Variants in PMPCA observed in about 807,000 individuals in gnomAD.
The protein encoded by PMPCA is mitochondrial-processing peptidase subunit alpha.
In PMPCA, 47 loss-of-function variants were observed where a neutral mutation model predicts 59.3. The observed-to-expected ratio is 0.79, with a 90% CI of 0.63 to 1.01. The LOEUF is 1.01. PMPCA is among the 50% of genes least tolerant of loss of function. PMPCA has a pLI of 0.00. For synonymous variants in PMPCA, 338 were observed against 290.3 expected (o/e 1.16, Z -1.67); for missense variants, 726 against 704.5 (o/e 1.03, Z -0.34).
intron 7 of PMPCA, among the ~76,000 whole-genome samples, chr9:136,417,560 C>T (rs1835317032): frequency 6.6e-6 from 1 of 151,828 alleles, no homozygotes; most frequent in Non-Finnish European, 1.5e-5. Flanking sequence ...GCAACCTCCA[C>T]CTCCCAGGTT....
chr9:136,418,582 T>G lies in PMPCA; in HGVS notation c.1018T>G (p.Leu340Val), dbSNP rs1358546481. ...LEEDFIPFAV[L>V]NMMMGGGGSF... The stretch of plus-strand genomic sequence containing the variant: ...GGAGGACTTCATCCCCTTTGCAGTG[T>G]TGAACATGATGATGGGCGGAGGTGG... The change falls in exon 9 of 13, where the codon TTG becomes GTG. Residue 340 changes from leucine to valine, a missense_variant. Coordinates refer to ENST00000371717, the MANE Select transcript of PMPCA (RefSeq NM_015160.3). The G allele has an allele frequency of 6.2e-7, 1 of 1,613,252 alleles. No individual in the cohort carries two copies. The highest frequency in any genetic ancestry group is 8.5e-7 in the Non-Finnish European group (1 of 1,179,282).
At position 136,418,596 on chromosome 9, in the gene PMPCA, G is replaced by A; in HGVS notation, c.1032G>A (p.Met344Ile). 1 of 1,613,874 alleles carries A rather than the reference G, an allele frequency of 6.2e-7. No individual in the cohort carries two copies. The highest frequency in any genetic ancestry group is 8.5e-7 in the Non-Finnish European group (1 of 1,179,720). Residue 344 changes from methionine (M) to isoleucine (I), a missense_variant, in exon 9 of 13, where the codon ATG (methionine) becomes ATA (isoleucine). Transcript: ENST00000371717. ...FIPFAVLNMMMGGGGSFSAGG... is the reference protein window; with the variant it reads ...FIPFAVLNMMIGGGGSFSAGG... ...CCTTTGCAGTGTTGAACATGATGATGGGCGGAGGTGGCTCCTTCTCGGCTG... is the reference window on the plus strand; with the variant it reads ...CCTTTGCAGTGTTGAACATGATGATAGGCGGAGGTGGCTCCTTCTCGGCTG...
chr9:136,418,791 A>G (rs772600701), intron 9 of PMPCA, 37 bp from the exon 10 acceptor site: 2 of 1,550,628 alleles, frequency 1.3e-6, no homozygotes, highest in South Asian at 2.2e-5. Flanking sequence ...GATCCTGGCG[A>G]GTCCCCTTCA....
intron 5 of PMPCA, 92 bp from the exon 6 acceptor site, chr9:136,416,199 A>G (rs1222045356): frequency 4.4e-6 from 4 of 907,772 alleles, no homozygotes; most frequent in Non-Finnish European, 7.1e-6. Context: ...CCAACAGGCG[A>G]CACTCAGGCC....
intron 7 of PMPCA, among the ~76,000 whole-genome samples, chr9:136,417,685 A>T (rs1588816023): frequency 6.6e-6 from 1 of 151,594 alleles, no homozygotes; most frequent in African/African-American, 2.4e-5. Context: ...CGAACTCCTG[A>T]CCTCATGATC....
intron 11 of PMPCA, chr9:136,420,005 T>A (rs1230123587): frequency 1.3e-5 from 2 of 151,020 alleles, no homozygotes; most frequent in South Asian, 2.1e-4. Flanking sequence ...TTTTTTTTTT[T>A]AGACAGAGTC....
Position 136,416,334 on chromosome 9 carries a change from G to A in PMPCA, c.576G>A (p.Leu192=), listed in dbSNP as rs1383883482. ...CGCGGATGGCGGTCCAGTTTGAGCT[G>A]GAGGACCTGAACCTGCGGCCTGACC... is the stretch of plus-strand genomic sequence containing the variant. ...EMTRMAVQFE[L]EDLNLRPDPE... is the part of the protein sequence containing the mutation. The change falls in exon 6 of 13, where the codon CTG becomes CTA. Residue 192 remains leucine (L), a synonymous_variant. Coordinates refer to ENST00000371717, the MANE Select transcript of PMPCA (RefSeq NM_015160.3). The A allele has an allele frequency of 6.2e-7, 1 of 1,614,002 alleles. No individual in the cohort carries two copies. The highest frequency in any genetic ancestry group is 1.7e-4 in the Middle Eastern group (1 of 6,038).
chr9:136,422,003 C>G, intron 12 of PMPCA, 27 bp downstream of exon 12: 1 of 1,590,168 alleles, frequency 6.3e-7, no homozygotes, highest in Non-Finnish European at 8.6e-7. Context: ...TAGTGAGGGG[C>G]TGCCGCAGGC....
chr9:136,422,861 T>C (rs917781097), intron 12 of PMPCA: 5 of 1,351,316 alleles, frequency 3.7e-6, no homozygotes, highest in Non-Finnish European at 3.8e-6. Flanking sequence ...GGTGGCTTTG[T>C]CCTATATTTT....
chr9:136,422,631 G>A (rs753408457), intron 12 of PMPCA: 4 of 1,007,866 alleles, frequency 4.0e-6, no homozygotes, highest in Non-Finnish European at 4.7e-6. Context: ...ATCCTCAAGC[G>A]AGTGTCCAGC....
intron 12 of PMPCA, 119 bp from the exon 13 acceptor site, chr9:136,422,976 C>T (rs1430163069): frequency 6.8e-7 from 1 of 1,460,106 alleles, no homozygotes; most frequent in East Asian, 2.5e-5. Context: ...GTGCCCCCAT[C>T]AGCAGCACAG....
At chr9:136,417,662 GC>G (rs1040478640) in intron 7 of PMPCA, among the ~76,000 whole-genome samples, 9 of 151,836 alleles carry the variant, frequency 5.9e-5, no homozygotes, top group African/African-American at 1.9e-4. Context: ...CACTATGTTG[GC>G]CAGGCTGGTC....
chr9:136,421,915 G>C lies in PMPCA; in HGVS notation c.1347G>C (p.Val449=). Residue 449 remains valine (V), a synonymous_variant, in exon 12 of 13, where the codon GTG becomes GTC. Transcript: ENST00000371717. ...LESRPVIFED[V]GRQVLATRSR... ...CCAGGCCTGTGATCTTCGAGGATGT[G>C]GGGAGGCAGGTGCTGGCCACTCGCT... The C allele has an allele frequency of 6.2e-7, 1 of 1,612,432 alleles. No individual in the cohort carries two copies. The highest frequency in any genetic ancestry group is 8.5e-7 in the Non-Finnish European group (1 of 1,179,792).
At chr9:136,416,589 C>G (rs892556581) in intron 6 of PMPCA, 198 bp downstream of exon 6, 1 of 639,826 alleles carries the variant, frequency 1.6e-6, no homozygotes, top group African/African-American at 1.8e-5. Flanking sequence ...TCAGGTGATC[C>G]TCCTGCCTCT....
chr9:136,419,135 CGTACCTGTG>C, intron 11 of PMPCA, 29 bp downstream of exon 11: 1 of 1,594,348 alleles, frequency 6.3e-7, no homozygotes, highest in Non-Finnish European at 8.6e-7. Context: ...CATTTCCAGG[CGTACCTGTG>C]GTGTCTGACA....
intron 12 of PMPCA, chr9:136,422,789 GC>G (rs1164208589): frequency 8.7e-7 from 1 of 1,151,610 alleles, no homozygotes; most frequent in Admixed American, 4.0e-5. Flanking sequence ...TTTTCTGCAG[GC>G]CGTCCTAAAG....
rs1304312404 is a variant in PMPCA at position 136,416,939 on chromosome 9, C to T, written c.634-12C>T. ...TCTTCAGTCACCTGTGTCTGTGGCT[C>T]TTCCCCATTAGGCGGCTTACAGGGA... On this transcript the variant is annotated splice_polypyrimidine_tract_variant and intron_variant, in intron 6 of 12. Coordinates refer to ENST00000371717, the MANE Select transcript of PMPCA (RefSeq NM_015160.3). 1 of 1,599,314 alleles carries T rather than the reference C, an allele frequency of 6.3e-7. No homozygotes were observed. Among genetic ancestry groups the T allele is most frequent in the African/African-American group, 1.3e-5 (1 of 74,862 alleles).
chr9:136,412,222 G>A, intron 2 of PMPCA, 23 bp downstream of exon 2: 1 of 1,546,398 alleles, frequency 6.5e-7, no homozygotes, highest in Non-Finnish European at 8.9e-7. Context: ...GTGTTGTCGT[G>A]GGTGGTCCCG....
intron 6 of PMPCA, 149 bp from the exon 7 acceptor site, chr9:136,416,802 C>T (rs758257609): frequency 1.5e-5 from 10 of 646,968 alleles, no homozygotes; most frequent in African/African-American, 3.7e-5. Context: ...TAAATACGCA[C>T]GCAGCTGCTA....
Sources: gnomAD v4.1 joint callset for allele counts (sites outside exome capture counted in the v4.1 genomes callset) on GRCh38, gnomAD v4.1.1 for gene constraint, MANE v1.5 for transcripts, NCBI Gene and HGNC (gene_info 2026-07-23, HGNC 2026-07-21) for gene names.